The following NSFL1C variants were observed in gnomAD, a reference collection of about 807,000 sequenced individuals.
NSFL1C encodes NSFL1 cofactor.
A neutral mutation model predicts 43.1 loss-of-function variants in NSFL1C; 14 were observed. The ratio of observed to expected loss-of-function variants is 0.32; its 90% CI spans 0.21 to 0.51. The LOEUF is 0.51. NSFL1C is among the 20% of genes least tolerant of loss of function. NSFL1C has a pLI of 0.98. For synonymous variants in NSFL1C, 171 were observed against 183.5 expected (o/e 0.93, Z 0.55); for missense variants, 406 against 472.5 (o/e 0.86, Z 1.30).
At chr20:1,451,095 G>GA (rs958714357) in intron 7 of NSFL1C, among the ~76,000 whole-genome samples, 9 of 149,606 alleles carry the variant, frequency 6.0e-5, no homozygotes, top group East Asian at 2.0e-4. Context: ...AATAATCAAA[G>GA]AAAAAAAAAA....
chr20:1,445,707 T>C lies in NSFL1C; in HGVS notation c.909A>G (p.Ala303=). The part of the protein sequence containing the change: ...EPTTNIQIRL[A]DGGRLVQKFN... ...ATTTCTGCACCAGCCTCCCGCCGTC[T>C]GCAAGCCGAATTTGGATGTTTGTGG... is the stretch of plus-strand genomic sequence containing the variant. Residue 303 remains alanine, a synonymous_variant, in exon 8 of 9, where the codon GCA becomes GCG. Coordinates refer to ENST00000216879, the MANE Select transcript of NSFL1C (RefSeq NM_016143.5). The C allele has an allele frequency of 2.5e-6, 4 of 1,613,854 alleles. No individual in the cohort carries two copies. Among genetic ancestry groups the C allele is most frequent in the Middle Eastern group, 1.7e-4 (1 of 5,846 alleles).
chr20:1,462,795 T>C (rs928053332), intron 2 of NSFL1C, among the ~76,000 whole-genome samples: 8 of 152,268 alleles, frequency 5.3e-5, no homozygotes, highest in African/African-American at 1.7e-4. Flanking sequence ...AGTGCTGGGA[T>C]TACAGGTGTG....
chr20:1,458,015 C>T (rs549302414), intron 3 of NSFL1C, 185 bp downstream of exon 3: 2 of 516,536 alleles, frequency 3.9e-6, no homozygotes, highest in African/African-American at 2.0e-5. Flanking sequence ...AGTAACGGAA[C>T]AGGGGTCACT....
In NSFL1C at chr20:1,452,601, G is replaced by A. The variant is rs1157662014; in HGVS notation, c.677C>T (p.Ala226Val). 6.2e-7 allele frequency: 1 copy of A among 1,614,196 alleles called. No homozygotes were observed. Among genetic ancestry groups the A allele is most frequent in the Non-Finnish European group, 8.5e-7 (1 of 1,180,038 alleles). Residue 226 changes from alanine (A) to valine (V), a missense_variant, in exon 7 of 9, where the codon GCT (alanine) becomes GTT (valine). By Grantham distance (64) the Ala-to-Val change is moderately conservative. Transcript: ENST00000216879. ...GEVPAELRRLAHGGQVNLDME... is the reference protein window; with the variant it reads ...GEVPAELRRLVHGGQVNLDME... ...ATCCAAGTTCACCTGTCCACCGTGAGCTAGCCTCCGAAGCTCTGCTGGCAC... is the reference window on the plus strand; with the variant it reads ...ATCCAAGTTCACCTGTCCACCGTGAACTAGCCTCCGAAGCTCTGCTGGCAC...
Position 1,464,357 on chromosome 20 carries a change from T to C in NSFL1C, c.175A>G (p.Ser59Gly). Residue 59 changes from serine to glycine, a missense_variant, in exon 2 of 9, where the codon AGT becomes GGT. Physicochemically the swap from Ser to Gly is moderately conservative, Grantham distance 56. This residue lies in a region of NSFL1C where 203 missense variants were observed against 216.3 expected (regional missense o/e 0.94). Coordinates refer to ENST00000216879, the MANE Select transcript of NSFL1C (RefSeq NM_016143.5). The part of the protein sequence containing the change: ...DIVTISQATP[S>G]SVSRGTAPSD... ...GGGGCTGTGCCTCTGGACACTGAAC[T>C]GGGGGTTGCCTGCGAAATGGTCACA... 2.5e-6 allele frequency: 4 copies of C among 1,614,240 alleles called. No individual in the cohort carries two copies. Among genetic ancestry groups the C allele is most frequent in the Non-Finnish European group, 3.4e-6 (4 of 1,180,034 alleles).
intron 7 of NSFL1C, among the ~76,000 whole-genome samples, chr20:1,451,189 T>C (rs2090173706): frequency 6.6e-6 from 1 of 152,202 alleles, no homozygotes; most frequent in African/African-American, 2.4e-5. Context: ...CAGCCCTTGA[T>C]GCAGTAGATG....
chr20:1,451,992 C>T (rs938725061), intron 7 of NSFL1C, among the ~76,000 whole-genome samples: 3 of 152,198 alleles, frequency 2.0e-5, no homozygotes, highest in Admixed American at 6.5e-5. Context: ...GTCCCTGCAT[C>T]CTGAGCAACA....
At chr20:1,447,926 A>T (rs544963407) in intron 7 of NSFL1C, among the ~76,000 whole-genome samples, 1 of 152,348 alleles carries the variant, frequency 6.6e-6, no homozygotes, top group Non-Finnish European at 1.5e-5. Flanking sequence ...CACACACGCT[A>T]TGGATCATTT....
At chr20:1,452,425 A>T (rs888188495) in intron 7 of NSFL1C, 68 bp downstream of exon 7, 3 of 1,576,832 alleles carry the variant, frequency 1.9e-6, no homozygotes, top group Non-Finnish European at 2.6e-6. Context: ...AGTGAGTGAT[A>T]CACAGGGTCT....
At position 1,451,134 on chromosome 20, in the gene NSFL1C, T is replaced by C. The variant is rs115685425; in HGVS notation, c.785+1359A>G. ...GGTGCCCTATAAAGCTCATCACAAC[T>C]GACAGGGACACTCTCTGTGAGAATA... On this transcript the variant is annotated intron_variant, in intron 7 of 8. Transcript: ENST00000216879. 7.0e-3 allele frequency among the ~76,000 whole-genome samples: 1,066 copies of C among 152,298 alleles called. 18 individuals carry two copies. Among genetic ancestry groups the C allele is most frequent in the African/African-American group, 0.024 (1,018 of 41,558 alleles).
chr20:1,455,156 C>G (rs538605672), intron 3 of NSFL1C, 24 bp from the exon 4 acceptor site: 1 of 1,613,912 alleles, frequency 6.2e-7, no homozygotes, highest in South Asian at 1.1e-5. Flanking sequence ...ACACCTCTAA[C>G]ATGAAACACT....
intron 2 of NSFL1C, chr20:1,463,404 A>T (rs1435803311): frequency 2.0e-5 from 3 of 152,252 alleles, no homozygotes; most frequent in Non-Finnish European, 4.4e-5. Context: ...TAGCACGTGC[A>T]AACAGTTACA....
At chr20:1,455,201 G>C (rs1298138564) in intron 3 of NSFL1C, 69 bp from the exon 4 acceptor site, 1 of 1,566,600 alleles carries the variant, frequency 6.4e-7, no homozygotes, top group East Asian at 2.2e-5. Context: ...TGCCAGGTTG[G>C]TGCTGGGCAC....
At chr20:1,455,627 G>C in intron 3 of NSFL1C, 4 of 778,726 alleles carry the variant, frequency 5.1e-6, no homozygotes, top group South Asian at 1.3e-5. Flanking sequence ...CTCTGCCACT[G>C]TATGTCCTGG....
In NSFL1C at chr20:1,458,859, T is replaced by C. The variant is rs1456355484; in HGVS notation, c.204-585A>G. Among the ~76,000 whole-genome samples the C allele has an allele frequency of 3.3e-5, 5 of 151,958 alleles. No homozygotes were observed. In the South Asian group the frequency reaches 1.0e-3, roughly 32 times the overall value. ...TGAATGAATACGAGGGTGACAGCACTGGAGGAAAAGCAAGCTCCAGTGTAC... is the reference window on the plus strand; with the variant it reads ...TGAATGAATACGAGGGTGACAGCACCGGAGGAAAAGCAAGCTCCAGTGTAC... On this transcript the variant is annotated intron_variant, in intron 2 of 8. Coordinates refer to ENST00000216879, the MANE Select transcript of NSFL1C (RefSeq NM_016143.5).
intron 4 of NSFL1C, among the ~76,000 whole-genome samples, 199 bp downstream of exon 4, chr20:1,454,768 G>T (rs2090260546): frequency 6.6e-6 from 1 of 152,182 alleles, no homozygotes; most frequent in African/African-American, 2.4e-5. Context: ...CTAGACCATA[G>T]GCTGTAGGTC....
intron 7 of NSFL1C, among the ~76,000 whole-genome samples, chr20:1,447,297 A>G (rs939659925): frequency 4.6e-5 from 7 of 152,164 alleles, no homozygotes; most frequent in African/African-American, 1.7e-4. Flanking sequence ...TAAATCTCAT[A>G]TACCTGTAAA....
rs369082156 is a variant in NSFL1C at position 1,443,877 on chromosome 20, G to A, written c.985C>T (p.Arg329Trp). The change falls in exon 9 of 9, where the codon CGG (arginine) becomes TGG (tryptophan). Residue 329 changes from arginine to tryptophan, a missense_variant. Physicochemically the swap from Arg to Trp is moderately radical, Grantham distance 101. Coordinates refer to ENST00000216879, the MANE Select transcript of NSFL1C (RefSeq NM_016143.5). ...AAGCTGGTGGCAGCCATGGCTGGCC[G>A]GGCATCCACGATGAAGAGTCGGATG... The part of the protein sequence containing the change: ...SDIRLFIVDA[R>W]PAMAATSFIL... 5.6e-6 allele frequency: 9 copies of A among 1,613,052 alleles called. No homozygotes were observed. Among genetic ancestry groups the A allele is most frequent in the African/African-American group, 1.3e-5 (1 of 74,932 alleles).
At chr20:1,460,658 T>G (rs1390369127) in intron 2 of NSFL1C, among the ~76,000 whole-genome samples, 1 of 152,194 alleles carries the variant, frequency 6.6e-6, no homozygotes, top group Non-Finnish European at 1.5e-5. Context: ...TGCCTCTCTG[T>G]GATGATGGAA....
Sources: allele counts gnomAD v4.1 joint callset (sites outside exome capture counted in the v4.1 genomes callset), GRCh38; gene constraint gnomAD v4.1.1; regional missense constraint gnomAD v4.1.1; transcripts MANE v1.5; gene names NCBI Gene and HGNC (gene_info 2026-07-23, HGNC 2026-07-21).